CELF2: variants seen among roughly 807,000 people sequenced by gnomAD.
CELF2 encodes the protein CUGBP Elav-like family member 2, also known as CUG triplet repeat RNA-binding protein 2.
CELF2 carries 8 observed loss-of-function variants against 62.6 expected under a neutral mutation model. That is an observed-to-expected ratio of 0.13 (90% CI 0.07 to 0.23). The LOEUF (loss-of-function observed/expected upper bound fraction) is 0.23. CELF2 is among the 10% of genes least tolerant of loss of function. CELF2 has a pLI of 1.00. For synonymous variants in CELF2, 258 were observed against 250.0 expected, an observed-to-expected ratio of 1.03 and a Z score of -0.30; for missense variants, 333 against 671.0, an observed-to-expected ratio of 0.50 and a Z score of 5.56.
chr10:11,183,700 C>T (rs776654362), intron 2 of CELF2, among the ~76,000 whole-genome samples: 1 of 152,170 alleles, frequency 6.6e-6, no homozygotes, highest in African/African-American at 2.4e-5. Context: ...GCTAACGATG[C>T]TGAGCATCTT....
At chr10:10,555,635 AT>A in the CELF2 span, among the ~76,000 whole-genome samples, 3 of 152,198 alleles carry the variant, frequency 2.0e-5, no homozygotes, top group South Asian at 2.1e-4. Context: ...AAATAGCTAC[AT>A]TTTTTGGTAT....
At chr10:10,852,960 T>C (rs992551277) in intron 1 of CELF2, among the ~76,000 whole-genome samples, 4 of 152,200 alleles carry the variant, frequency 2.6e-5, no homozygotes, top group African/African-American at 9.7e-5. Context: ...TTTCTGTATA[T>C]ATTATTCAAC....
At chr10:10,582,169 T>G in the CELF2 span, among the ~76,000 whole-genome samples, 1 of 152,240 alleles carries the variant, frequency 6.6e-6, no homozygotes, top group Non-Finnish European at 1.5e-5. Context: ...TTCTATCCAC[T>G]TGACCGAATT....
chr10:11,326,370 CA>C (rs1301104084), intron 12 of CELF2, among the ~76,000 whole-genome samples: 2 of 152,232 alleles, frequency 1.3e-5, no homozygotes, highest in Admixed American at 6.5e-5. Context: ...TCATCAGCAC[CA>C]ACACATCCAT....
the CELF2 span, among the ~76,000 whole-genome samples, chr10:10,575,027 G>A: frequency 1.3e-5 from 2 of 151,926 alleles, no homozygotes; most frequent in African/African-American, 4.8e-5. Context: ...CTATGTTAAT[G>A]TTTAAATTCA....
chr10:10,667,445 G>A, the CELF2 span, among the ~76,000 whole-genome samples: 1 of 152,162 alleles, frequency 6.6e-6, no homozygotes, highest in Admixed American at 6.5e-5. Flanking sequence ...ACATAGAAAA[G>A]GAGATGTTTT....
upstream of CELF2, among the ~76,000 whole-genome samples, chr10:10,796,662 A>G (rs2054156475): frequency 1.3e-5 from 2 of 152,106 alleles, no homozygotes; most frequent in African/African-American, 4.8e-5. Context: ...ATCTTTTGCT[A>G]CTCTCTTGCT....
Position 11,242,535 on chromosome 10 carries a change from G to C in CELF2, c.355-6618G>C, listed in dbSNP as rs924557854. On this transcript the variant is annotated intron_variant, in intron 3 of 12. Coordinates refer to ENST00000633077, the MANE Select transcript of CELF2 (RefSeq NM_001326342.2). This position sits in a 1 kb window ranked among gnomAD's most constrained non-coding sequence, Gnocchi z 4.8. ...GCTGGGTGCAGCTGCTCCGTGGCCAGCTTCACGGCGGCACCAGGTGGTGAC... is the reference window on the plus strand; with the variant it reads ...GCTGGGTGCAGCTGCTCCGTGGCCACCTTCACGGCGGCACCAGGTGGTGAC... 1.3e-5 allele frequency among the ~76,000 whole-genome samples: 2 copies of C among 152,236 alleles called. No individual in the cohort carries two copies. Among genetic ancestry groups the C allele is most frequent in the African/African-American group, 4.8e-5 (2 of 41,458 alleles).
At chr10:10,492,959 C>T in the CELF2 span, among the ~76,000 whole-genome samples, 62,098 of 151,936 alleles carry the variant, frequency 0.41, 12,798 homozygotes, top group Admixed American at 0.47. Context: ...TAAGACGTGC[C>T]TTTCACCTCC....
At chr10:11,054,296 C>T (rs1306810431) in intron 1 of CELF2, among the ~76,000 whole-genome samples, 1 of 152,164 alleles carries the variant, frequency 6.6e-6, no homozygotes, top group Non-Finnish European at 1.5e-5. Flanking sequence ...TTTCATCTTG[C>T]CCTTATTGTA....
At chr10:10,473,030 T>C in the CELF2 span, among the ~76,000 whole-genome samples, 2 of 152,030 alleles carry the variant, frequency 1.3e-5, no homozygotes. Context: ...TGCTGCCTGA[T>C]GTTATGAGTA....
chr10:11,155,515 C>T (rs997645565), intron 1 of CELF2, among the ~76,000 whole-genome samples: 60 of 152,162 alleles, frequency 3.9e-4, no homozygotes, highest in African/African-American at 1.3e-3. Flanking sequence ...CCAGAGACCT[C>T]AAAGGGCATG....
the CELF2 span, among the ~76,000 whole-genome samples, chr10:10,488,914 A>C: frequency 6.6e-6 from 1 of 152,248 alleles, no homozygotes; most frequent in East Asian, 1.9e-4. Context: ...ACAGAGACAC[A>C]AAGAACAACA....
At chr10:11,184,427 T>C (rs2074294063) in intron 2 of CELF2, among the ~76,000 whole-genome samples, 1 of 152,230 alleles carries the variant, frequency 6.6e-6, no homozygotes, top group African/African-American at 2.4e-5. Flanking sequence ...TGGGCAGTTT[T>C]TACAATAAAG....
the CELF2 span, among the ~76,000 whole-genome samples, chr10:10,601,051 A>G: frequency 6.6e-6 from 1 of 152,202 alleles, no homozygotes; most frequent in South Asian, 2.1e-4. Flanking sequence ...AGGCGAGAGC[A>G]ACAGCCAGAC....
At chr10:11,192,119 A>G (rs770347044) in intron 2 of CELF2, among the ~76,000 whole-genome samples, 3 of 152,226 alleles carry the variant, frequency 2.0e-5, no homozygotes, top group Non-Finnish European at 4.4e-5. Flanking sequence ...GTGCACCCCT[A>G]CAGGCTGGGA....
chr10:10,603,914 A>G, the CELF2 span, among the ~76,000 whole-genome samples: 35 of 152,302 alleles, frequency 2.3e-4, no homozygotes, highest in South Asian at 8.3e-4. Flanking sequence ...TTGGTTAGAG[A>G]TTTACAAATA....
the CELF2 span, among the ~76,000 whole-genome samples, chr10:10,567,179 T>C: frequency 6.6e-6 from 1 of 152,206 alleles, no homozygotes; most frequent in South Asian, 2.1e-4. Context: ...TCCTCTATTG[T>C]TAAGTCAGTT....
chr10:10,678,309 C>A, the CELF2 span, among the ~76,000 whole-genome samples: 1 of 151,902 alleles, frequency 6.6e-6, no homozygotes, highest in African/African-American at 2.4e-5. Context: ...CTTACTGTGA[C>A]CGTATTACAG....
Sources: gnomAD v4.1 joint callset for allele counts (sites outside exome capture counted in the v4.1 genomes callset) on GRCh38, gnomAD v4.1.1 for gene constraint, Gnocchi (gnomAD v3.1) non-coding constraint, MANE v1.5 for transcripts, NCBI Gene and HGNC (gene_info 2026-07-23, HGNC 2026-07-21) for gene names.